The following CHN2 variants were observed in gnomAD, a reference collection of about 807,000 sequenced individuals.
The protein encoded by CHN2 is beta-chimaerin.
In CHN2, 35 loss-of-function variants were observed where a neutral mutation model predicts 56.3. The ratio of observed to expected loss-of-function variants is 0.62; its 90% CI spans 0.47 to 0.82. The LOEUF is 0.82. Among genes scored for constraint, CHN2 ranks in the 40% least tolerant of loss-of-function variants. CHN2 has a pLI of 0.00. For synonymous variants in CHN2, 210 were observed against 212.8 expected (o/e 0.99, Z 0.12); for missense variants, 491 against 580.5 (o/e 0.85, Z 1.58).
chr7:29,226,070 A>C (rs1011452351), intron 1 of CHN2, among the ~76,000 whole-genome samples: 1 of 152,216 alleles, frequency 6.6e-6, no homozygotes, highest in African/African-American at 2.4e-5. Flanking sequence ...GAGACGTATT[A>C]AATAACCTTT....
intron 1 of CHN2, among the ~76,000 whole-genome samples, chr7:29,337,896 G>A (rs1345005620): frequency 6.6e-6 from 1 of 152,132 alleles, no homozygotes; most frequent in African/African-American, 2.4e-5. Flanking sequence ...TTTCCCTGAA[G>A]TTATTTTTAA....
At chr7:29,350,337 A>G (rs1484932430) in intron 1 of CHN2, among the ~76,000 whole-genome samples, 1 of 152,126 alleles carries the variant, frequency 6.6e-6, no homozygotes. Flanking sequence ...TGATCTTTGA[A>G]AAGTATTGTT....
intron 3 of CHN2, among the ~76,000 whole-genome samples, chr7:29,377,225 T>TG (rs1800142116): frequency 6.6e-6 from 1 of 152,220 alleles, no homozygotes; most frequent in South Asian, 2.1e-4. Flanking sequence ...GGTTTCACCA[T>TG]GTTGGCCAGG....
At chr7:29,400,009 C>T (rs1331080520) in intron 5 of CHN2, among the ~76,000 whole-genome samples, 1 of 152,082 alleles carries the variant, frequency 6.6e-6, no homozygotes, top group Non-Finnish European at 1.5e-5. Context: ...TTCCCTTCTG[C>T]TGCACCAACT....
chr7:29,430,311 A>G (rs992159959), intron 6 of CHN2, among the ~76,000 whole-genome samples: 4 of 152,192 alleles, frequency 2.6e-5, no homozygotes, highest in African/African-American at 4.8e-5. Context: ...ACAAGTGCAC[A>G]GGAAGATTGC....
intron 3 of CHN2, among the ~76,000 whole-genome samples, chr7:29,371,754 C>T (rs1015533572): frequency 6.6e-6 from 1 of 152,202 alleles, no homozygotes; most frequent in African/African-American, 2.4e-5. Flanking sequence ...TTGGATGACA[C>T]CTAACTTCAG....
At chr7:29,382,650 G>A (rs915758683) in intron 3 of CHN2, among the ~76,000 whole-genome samples, 2 of 152,166 alleles carry the variant, frequency 1.3e-5, no homozygotes, top group African/African-American at 4.8e-5. Flanking sequence ...AGCTCACATT[G>A]AGAGCTCATA....
chr7:29,492,706 C>T (rs1422807909), intron 7 of CHN2, among the ~76,000 whole-genome samples: 4 of 152,132 alleles, frequency 2.6e-5, no homozygotes, highest in Non-Finnish European at 5.9e-5. Flanking sequence ...GAGGAGGTAC[C>T]CACATATTTC....
At chr7:29,476,109 A>G (rs564906130) in intron 6 of CHN2, among the ~76,000 whole-genome samples, 7 of 152,330 alleles carry the variant, frequency 4.6e-5, no homozygotes, top group Admixed American at 2.6e-4. Flanking sequence ...AGTTGTGCCT[A>G]TATTCTACCA....
At chr7:29,251,178 G>A (rs1788483139) in intron 1 of CHN2, among the ~76,000 whole-genome samples, 2 of 152,306 alleles carry the variant, frequency 1.3e-5, no homozygotes, top group African/African-American at 2.4e-5. Flanking sequence ...ACCAGACCAG[G>A]CATGTGGCTC....
chr7:29,490,335 G>T (rs1484721534), intron 7 of CHN2, among the ~76,000 whole-genome samples: 1 of 152,098 alleles, frequency 6.6e-6, no homozygotes, highest in Non-Finnish European at 1.5e-5. Flanking sequence ...CCCTTCCGCA[G>T]ACTTCTAGGA....
intron 12 of CHN2, among the ~76,000 whole-genome samples, chr7:29,510,702 T>C (rs1791211699): frequency 6.6e-6 from 1 of 152,234 alleles, no homozygotes. Flanking sequence ...TGTAAGCTAA[T>C]CTCAGAAGTG....
intron 6 of CHN2, among the ~76,000 whole-genome samples, chr7:29,472,595 A>T (rs534675389): frequency 1.2e-3 from 188 of 152,280 alleles, no homozygotes; most frequent in African/African-American, 4.4e-3. Flanking sequence ...AAGGGAAAAA[A>T]AAAGAGCATG....
intron 3 of CHN2, among the ~76,000 whole-genome samples, chr7:29,385,074 C>G (rs1288935632): frequency 6.6e-6 from 1 of 152,196 alleles, no homozygotes; most frequent in Non-Finnish European, 1.5e-5. Context: ...ATTAATCTTA[C>G]TGACATTTTA....
At chr7:29,247,169 G>A (rs1415903338) in intron 1 of CHN2, among the ~76,000 whole-genome samples, 1 of 152,192 alleles carries the variant, frequency 6.6e-6, no homozygotes, top group African/African-American at 2.4e-5. Flanking sequence ...GGCACTCCAG[G>A]TAGAGGGAAC....
At chr7:29,182,682 A>G (rs115104576) in intron 2 of CHN2, among the ~76,000 whole-genome samples, 97 of 152,348 alleles carry the variant, frequency 6.4e-4, no homozygotes, top group African/African-American at 2.2e-3. Context: ...AATGTCCCTC[A>G]AGATTGTTAG....
chr7:29,327,877 A>G (rs1210347720), intron 1 of CHN2, among the ~76,000 whole-genome samples: 1 of 152,204 alleles, frequency 6.6e-6, no homozygotes, highest in East Asian at 1.9e-4. Flanking sequence ...TGTAGCCGGA[A>G]TGTTGTTTCT....
chr7:29,476,798 C>G (rs1034336612), intron 6 of CHN2, among the ~76,000 whole-genome samples: 7 of 152,056 alleles, frequency 4.6e-5, no homozygotes, highest in African/African-American at 1.2e-4. Flanking sequence ...ACTGAACATC[C>G]TGCAACGTAC....
intron 1 of CHN2, among the ~76,000 whole-genome samples, chr7:29,307,153 T>A (rs1052233357): frequency 6.6e-6 from 1 of 152,254 alleles, no homozygotes; most frequent in Non-Finnish European, 1.5e-5. Context: ...CTCAGTTGTC[T>A]GTAAATCTAA....
Sources: gnomAD v4.1 joint callset for allele counts (sites outside exome capture counted in the v4.1 genomes callset) on GRCh38, gnomAD v4.1.1 for gene constraint, MANE v1.5 for transcripts, NCBI Gene and HGNC (gene_info 2026-07-23, HGNC 2026-07-21) for gene names.